Variants in FUT8 observed in about 807,000 individuals in gnomAD.
FUT8 encodes the protein alpha-(1,6)-fucosyltransferase.
Under a neutral mutation model 71.3 loss-of-function variants are expected in FUT8, and 29 were observed. The observed-to-expected ratio is 0.41, with a 90% confidence interval of 0.30 to 0.55. The LOEUF (loss-of-function observed/expected upper bound fraction) is 0.55, where lower values mean the gene tolerates loss of function less well. FUT8 is among the 20% of genes least tolerant of loss of function. The probability of loss-of-function intolerance (pLI) is 0.34; values close to 1 mark genes in which losing one functional copy is unlikely to be tolerated. For missense variants in FUT8, 544 were observed against 702.1 expected (o/e 0.77, Z 2.55); for synonymous variants, 254 against 239.3 (o/e 1.06, Z -0.57).
the FUT8 span, among the ~76,000 whole-genome samples, chr14:65,398,752 A>C: frequency 6.6e-6 from 1 of 152,032 alleles, no homozygotes; most frequent in African/African-American, 2.4e-5. Flanking sequence ...AAAGAAACAA[A>C]AACAAAGAAA....
chr14:65,530,058 T>C (rs1883833716), intron 2 of FUT8, among the ~76,000 whole-genome samples: 1 of 152,194 alleles, frequency 6.6e-6, no homozygotes, highest in Non-Finnish European at 1.5e-5. Context: ...TAGATTAGTA[T>C]TGATATTCAG....
At chr14:65,614,571 G>C (rs1306058331) in intron 3 of FUT8, among the ~76,000 whole-genome samples, 1 of 152,170 alleles carries the variant, frequency 6.6e-6, no homozygotes, top group African/African-American at 2.4e-5. Context: ...AGCTCTAGGA[G>C]AGCATCTGGG....
the FUT8 span, among the ~76,000 whole-genome samples, chr14:65,376,395 G>A: frequency 1.8e-4 from 28 of 152,068 alleles, no homozygotes; most frequent in Admixed American, 1.7e-3. Flanking sequence ...AAAATCTCTC[G>A]TTTCATCCAC....
chr14:65,602,412 A>G (rs1298715354), intron 3 of FUT8, among the ~76,000 whole-genome samples: 2 of 142,808 alleles, frequency 1.4e-5, no homozygotes, highest in Admixed American at 1.4e-4. Context: ...CAGTTTCTTT[A>G]TCCACTCATT....
intron 1 of FUT8, among the ~76,000 whole-genome samples, chr14:65,431,296 G>A (rs2065470030): frequency 1.0e-5 from 1 of 97,338 alleles, no homozygotes; most frequent in Non-Finnish European, 2.0e-5. Flanking sequence ...CCACTGCGCC[G>A]GCCTTTTTTT....
At chr14:65,591,293 A>G (rs1055862602) in intron 3 of FUT8, among the ~76,000 whole-genome samples, 4 of 152,138 alleles carry the variant, frequency 2.6e-5, no homozygotes, top group African/African-American at 9.6e-5. Flanking sequence ...ATTGTTTTCA[A>G]TAAAAGGCAA....
intron 2 of FUT8, among the ~76,000 whole-genome samples, chr14:65,512,782 G>A (rs182885066): frequency 2.0e-5 from 3 of 151,644 alleles, no homozygotes; most frequent in East Asian, 3.9e-4. Context: ...GGTGGCGGGC[G>A]CCTGTAATCC....
chr14:65,470,767 T>A (rs1028408995), intron 2 of FUT8, among the ~76,000 whole-genome samples: 1 of 152,000 alleles, frequency 6.6e-6, no homozygotes, highest in Non-Finnish European at 1.5e-5. Context: ...GCTGTGTCAC[T>A]GGCTGGTCCC....
chr14:65,481,794 T>C (rs2066335580), intron 2 of FUT8, among the ~76,000 whole-genome samples: 1 of 152,218 alleles, frequency 6.6e-6, no homozygotes, highest in South Asian at 2.1e-4. Flanking sequence ...TCTGTTCAAA[T>C]ATTTTGGCCA....
the FUT8 span, among the ~76,000 whole-genome samples, chr14:65,364,665 G>A: frequency 6.6e-6 from 1 of 152,126 alleles, no homozygotes; most frequent in African/African-American, 2.4e-5. Flanking sequence ...TCAAGAACCT[G>A]CCTTTTGTCC....
intron 1 of FUT8, among the ~76,000 whole-genome samples, chr14:65,426,952 G>A (rs188964674): frequency 2.5e-4 from 38 of 152,046 alleles, no homozygotes; most frequent in Admixed American, 1.8e-3. Flanking sequence ...TCTGCCTCCC[G>A]GGTTCAGGCC....
At chr14:65,385,699 A>G in the FUT8 span, among the ~76,000 whole-genome samples, 1 of 151,996 alleles carries the variant, frequency 6.6e-6, no homozygotes, top group Non-Finnish European at 1.5e-5. Flanking sequence ...CACGGCAACT[A>G]TTGTATTTTT....
At chr14:65,363,163 C>G in the FUT8 span, among the ~76,000 whole-genome samples, 14 of 152,228 alleles carry the variant, frequency 9.2e-5, no homozygotes, top group Middle Eastern at 6.8e-3. Flanking sequence ...ACTCTGTCTC[C>G]TAGGCTGGTG....
At chr14:65,384,502 T>C in the FUT8 span, among the ~76,000 whole-genome samples, 3 of 152,240 alleles carry the variant, frequency 2.0e-5, no homozygotes, top group Admixed American at 2.0e-4. The surrounding 1 kb of genome is among the most constrained non-coding windows in gnomAD (Gnocchi z 4.2). Context: ...ACCATTTTTG[T>C]CACCCCAAGA....
intron 7 of FUT8, among the ~76,000 whole-genome samples, chr14:65,687,661 T>C (rs1369945231): frequency 2.0e-5 from 3 of 152,130 alleles, no homozygotes; most frequent in African/African-American, 4.8e-5. Context: ...TATAGAAAAA[T>C]TGAACAGAAA....
intron 2 of FUT8, among the ~76,000 whole-genome samples, chr14:65,551,031 T>G (rs1462709758): frequency 1.3e-5 from 2 of 152,226 alleles, no homozygotes; most frequent in African/African-American, 2.4e-5. Flanking sequence ...ATATTTGATA[T>G]ATAATGCCGT....
the FUT8 span, among the ~76,000 whole-genome samples, chr14:65,366,376 G>A: frequency 6.6e-6 from 1 of 152,198 alleles, no homozygotes; most frequent in Non-Finnish European, 1.5e-5. Flanking sequence ...AAATGGACCA[G>A]ACTTAGAAAG....
chr14:65,395,730 C>T, the FUT8 span, among the ~76,000 whole-genome samples: 50 of 152,366 alleles, frequency 3.3e-4, no homozygotes, highest in African/African-American at 1.1e-3. Flanking sequence ...CTGACATGCC[C>T]TGGAGGCATT....
the FUT8 span, among the ~76,000 whole-genome samples, chr14:65,384,764 T>C: frequency 6.6e-6 from 1 of 152,226 alleles, no homozygotes; most frequent in Admixed American, 6.5e-5. The surrounding 1 kb of genome is among the most constrained non-coding windows in gnomAD (Gnocchi z 4.2). Flanking sequence ...GGAAGATTTG[T>C]ATATACTTGT....
Sources: gnomAD v4.1 joint callset for allele counts (sites outside exome capture counted in the v4.1 genomes callset) on GRCh38, gnomAD v4.1.1 for gene constraint, Gnocchi (gnomAD v3.1) non-coding constraint, MANE v1.5 for transcripts, NCBI Gene and HGNC (gene_info 2026-07-23, HGNC 2026-07-21) for gene names.